MAN2B1: variants seen among roughly 807,000 people sequenced by gnomAD.
The protein encoded by MAN2B1 is lysosomal alpha-mannosidase.
Under a neutral mutation model 127.5 loss-of-function variants are expected in MAN2B1, and 99 were observed. The observed-to-expected ratio is 0.78, with a 90% CI of 0.66 to 0.92. The LOEUF (loss-of-function observed/expected upper bound fraction) is 0.92, where lower values mean the gene tolerates loss of function less well. MAN2B1 is among the 40% of genes least tolerant of loss of function. MAN2B1 has a pLI of 0.00. For synonymous variants in MAN2B1, 573 were observed against 568.8 expected (o/e 1.01, Z -0.11); for missense variants, 1,304 against 1,384.8 (o/e 0.94, Z 0.93).
chr19:12,656,002 T>C (rs2023945312), intron 13 of MAN2B1, 123 bp from the exon 14 acceptor site: 1 of 736,652 alleles, frequency 1.4e-6, no homozygotes, highest in Non-Finnish European at 2.3e-6. Flanking sequence ...GAGGTGTGTG[T>C]GGTGGGGGGA....
At chr19:12,649,316 G>T in intron 19 of MAN2B1, 25 bp downstream of exon 19, 1 of 1,606,784 alleles carries the variant, frequency 6.2e-7, no homozygotes. Context: ...TCGAGGTGGG[G>T]AGGTGCAGGA....
At position 12,652,557 on chromosome 19, in the gene MAN2B1, A is replaced by T. The variant is rs2023865310; in HGVS notation, c.1831-97T>A. The stretch of plus-strand genomic sequence containing the variant: ...TTTTCTTTTTTTTTTTTTGAGACTG[A>T]GTCTCACTCTGTAGCCCAGGCTAGA... On this transcript the variant is annotated intron_variant, in intron 14 of 23. Transcript: ENST00000456935. 2.5e-4 allele frequency: 198 copies of T among 798,776 alleles called. No homozygotes were observed. The Admixed American group carries it at 2.7e-3, about 11-fold the overall frequency. 49.5% of individuals were successfully genotyped at this position (798,776 alleles called of 1,614,324 possible).
chr19:12,665,756 T>A lies in MAN2B1; in HGVS notation c.209A>T (p.His70Leu), dbSNP rs28934600. The stretch of plus-strand genomic sequence containing the variant: ...GAGCCAGCCCACGTCATCATGTGTG[T>A]GAGGCAGCAGGTGCACGTTCAGCAT... ...PNMLNVHLLP[H>L]THDDVGWLKT... The change falls in exon 2 of 24, where the codon CAC becomes CTC. Residue 70 changes from histidine (H) to leucine (L), a missense_variant. By Grantham distance (99) the His-to-Leu change is moderately conservative. Coordinates refer to ENST00000456935, the MANE Select transcript of MAN2B1 (RefSeq NM_000528.4). 1 of 1,614,136 alleles carries A rather than the reference T, an allele frequency of 6.2e-7. No individual in the cohort carries two copies. The highest frequency in any genetic ancestry group is 8.5e-7 in the Non-Finnish European group (1 of 1,180,028).
chr19:12,665,246 G>T, intron 3 of MAN2B1, 106 bp downstream of exon 3: 2 of 1,384,298 alleles, frequency 1.4e-6, no homozygotes, highest in East Asian at 2.3e-5. Context: ...GGAGCGACAC[G>T]CATGTTATAC....
At chr19:12,660,865 TC>T (rs1330694147) in intron 7 of MAN2B1, 1 of 279,820 alleles carries the variant, frequency 3.6e-6, no homozygotes, top group Non-Finnish European at 7.1e-6. Flanking sequence ...TTCAAGAGAT[TC>T]CCCTGCCTCA....
chr19:12,649,928 T>A lies in MAN2B1; in HGVS notation c.2252A>T (p.Glu751Val). The change falls in exon 18 of 24, where the codon GAG becomes GTG. Residue 751 changes from glutamate (E) to valine (V), a missense_variant. Glu to Val is a moderately radical substitution (Grantham distance 121). Transcript: ENST00000456935. ...CACCCCCCACCTCCTCTCCAGGATCTCCCGGCCATTGCTGTCTGTGTAGAA... is the reference window on the plus strand; with the variant it reads ...CACCCCCCACCTCCTCTCCAGGATCACCCGGCCATTGCTGTCTGTGTAGAA... ...GRFYTDSNGR[E>V]ILERRRDYRP... 6.2e-7 allele frequency: 1 copy of A among 1,608,340 alleles called. No homozygotes were observed. Among genetic ancestry groups the A allele is most frequent in the Non-Finnish European group, 8.5e-7 (1 of 1,177,326 alleles).
At chr19:12,651,397 C>G (rs1312459923) in intron 16 of MAN2B1, among the ~76,000 whole-genome samples, 1 of 152,100 alleles carries the variant, frequency 6.6e-6, no homozygotes, top group African/African-American at 2.4e-5. Context: ...GAGGTGGAAA[C>G]TGAATATTGG....
intron 13 of MAN2B1, 125 bp from the exon 14 acceptor site, chr19:12,656,004 G>A: frequency 4.1e-6 from 3 of 728,576 alleles, no homozygotes; most frequent in Non-Finnish European, 4.7e-6. Flanking sequence ...GGTGTGTGTG[G>A]TGGGGGGACA....
chr19:12,656,502 T>A, intron 13 of MAN2B1, 69 bp downstream of exon 13: 1 of 1,073,716 alleles, frequency 9.3e-7, no homozygotes, highest in Non-Finnish European at 1.4e-6. Context: ...GCGATATCCA[T>A]GGGGGCGATG....
At chr19:12,664,691 C>G (rs2024183929) in intron 4 of MAN2B1, 101 bp downstream of exon 4, 4 of 1,271,218 alleles carry the variant, frequency 3.1e-6, no homozygotes, top group Non-Finnish European at 4.4e-6. Flanking sequence ...AGGCCTGGGC[C>G]TGGTCCTTGT....
At chr19:12,658,914 T>C (rs1002025818) in intron 7 of MAN2B1, 7 of 321,690 alleles carry the variant, frequency 2.2e-5, no homozygotes, top group African/African-American at 1.5e-4. Context: ...TGTAGTGCAG[T>C]GGCTCAATCT....
chr19:12,646,703 G>C lies in MAN2B1; in HGVS notation c.2953C>G (p.Leu985Val). 1 of 1,614,112 alleles carries C rather than the reference G, an allele frequency of 6.2e-7. No homozygotes were observed. Among genetic ancestry groups the C allele is most frequent in the South Asian group, 1.1e-5 (1 of 91,082 alleles). The change falls in exon 24 of 24, where the codon CTG becomes GTG. Residue 985 changes from leucine to valine, a missense_variant. Leu to Val is a conservative substitution (Grantham distance 32, BLOSUM62 1). Coordinates refer to ENST00000456935, the MANE Select transcript of MAN2B1 (RefSeq NM_000528.4). The stretch of plus-strand genomic sequence containing the variant: ...TCCAGCGTGATGTTGGCCGGGTCCA[G>C]CTGGTACGGAGTTTGGTGGGGTGTG... ...GPTPHQTPYQ[L>V]DPANITLEPM...
chr19:12,647,073 C>G lies in MAN2B1; in HGVS notation c.2923+160G>C. 2 of 685,226 alleles carry G rather than the reference C, an allele frequency of 2.9e-6. No homozygotes were observed. Among genetic ancestry groups the G allele is most frequent in the Non-Finnish European group, 5.1e-6 (2 of 390,978 alleles). The allele number at this position is 685,226 out of a possible 1,614,324, so 42.4% of individuals were successfully genotyped here. A position where few individuals can be genotyped will look rare whatever the true frequency, so the allele number is the denominator to read the frequency against. ...AGACCCATTCCTGGTTTGCCGCACC[C>G]ATTTCAGATCCTTTAAGCCCCTAAC... is the stretch of plus-strand genomic sequence containing the variant. On this transcript the variant is annotated intron_variant, in intron 23 of 23. Coordinates refer to ENST00000456935, the MANE Select transcript of MAN2B1 (RefSeq NM_000528.4). This position sits in a 1 kb window ranked among gnomAD's most constrained non-coding sequence, Gnocchi z 4.9.
At chr19:12,648,782 G>A (rs975638703) in intron 20 of MAN2B1, among the ~76,000 whole-genome samples, 6 of 152,112 alleles carry the variant, frequency 3.9e-5, no homozygotes, top group Non-Finnish European at 8.8e-5. Context: ...ATCACCTGAG[G>A]TAAGGAGTTC....
chr19:12,666,258 A>C (rs1451419833), intron 1 of MAN2B1, among the ~76,000 whole-genome samples: 2 of 151,516 alleles, frequency 1.3e-5, no homozygotes, highest in Non-Finnish European at 2.9e-5. Flanking sequence ...CCACACATAC[A>C]CTGCTCACCC....
At chr19:12,650,357 CTTT>C (rs35532533) in intron 16 of MAN2B1, 135 bp from the exon 17 acceptor site, 5,737 of 480,936 alleles carry the variant, frequency 0.012, no homozygotes, top group Middle Eastern at 0.017. Flanking sequence ...CCACATAATT[CTTT>C]TTTTTTTTTT....
At chr19:12,651,042 G>C (rs1200908208) in intron 16 of MAN2B1, among the ~76,000 whole-genome samples, 1 of 147,464 alleles carries the variant, frequency 6.8e-6, no homozygotes, top group Admixed American at 6.9e-5. Context: ...GCTCCCACCT[G>C]GTCTTGAACT....
chr19:12,648,124 T>C (rs2023738760), intron 21 of MAN2B1, 51 bp downstream of exon 21: 14 of 1,493,232 alleles, frequency 9.4e-6, no homozygotes, highest in Non-Finnish European at 1.3e-5. Flanking sequence ...CAAACCCGGC[T>C]CCCTGGTAGA....
chr19:12,661,660 A>G (rs2024108350), intron 6 of MAN2B1, among the ~76,000 whole-genome samples: 1 of 152,030 alleles, frequency 6.6e-6, no homozygotes, highest in Admixed American at 6.6e-5. Context: ...GGAGGGGGAC[A>G]TTGTGATGGT....
Sources: allele counts gnomAD v4.1 joint callset (sites outside exome capture counted in the v4.1 genomes callset), GRCh38; gene constraint gnomAD v4.1.1; non-coding constraint Gnocchi (gnomAD v3.1); transcripts MANE v1.5; gene names NCBI Gene and HGNC (gene_info 2026-07-23, HGNC 2026-07-21).